Variants in INO80 observed in about 807,000 individuals in gnomAD.
INO80 encodes the protein INO80 complex ATPase subunit.
A neutral mutation model predicts 203.4 loss-of-function variants in INO80; 20 were observed. That is an observed-to-expected ratio of 0.10 (90% CI 0.07 to 0.14). The LOEUF is 0.14. Ranked by LOEUF, INO80 falls within the 10% of genes least tolerant of loss-of-function variation. The pLI, the probability that INO80 is intolerant of heterozygous loss-of-function variation, is 1.00. For missense variants in INO80, 1,419 were observed against 1,914.4 expected (o/e 0.74, Z 4.83); for synonymous variants, 726 against 685.2 (o/e 1.06, Z -0.93).
intron 29 of INO80, among the ~76,000 whole-genome samples, chr15:40,996,446 C>T (rs923467897): frequency 3.9e-5 from 6 of 152,184 alleles, no homozygotes; most frequent in Non-Finnish European, 5.9e-5. Context: ...CCTCACCTCC[C>T]GAGTAGCTGG....
At chr15:41,088,347 G>A (rs181251534) in intron 5 of INO80, among the ~76,000 whole-genome samples, 65 of 151,888 alleles carry the variant, frequency 4.3e-4, no homozygotes, top group Non-Finnish European at 7.7e-4. Flanking sequence ...CTCAGTGTCA[G>A]CCCACCTCAG....
chr15:41,091,022 T>A (rs1015662617), intron 5 of INO80, among the ~76,000 whole-genome samples: 2 of 151,576 alleles, frequency 1.3e-5, no homozygotes, highest in Admixed American at 6.6e-5. Context: ...CCTCCCGGGT[T>A]CAAGCGATTC....
chr15:41,103,905 G>A (rs985010031), intron 1 of INO80, among the ~76,000 whole-genome samples: 7 of 151,816 alleles, frequency 4.6e-5, no homozygotes, highest in South Asian at 2.1e-4. Context: ...CTCACTTCGC[G>A]CAAAGAGGCT....
At chr15:40,986,316 C>CTTTTTTTTTTTTTTTTTTTTTTT (rs551165963) in intron 31 of INO80, among the ~76,000 whole-genome samples, 1 of 90,674 alleles carries the variant, frequency 1.1e-5, no homozygotes, top group African/African-American at 3.4e-5. Context: ...CTCCACAATG[C>CTTTTTTTTTTTTTTTTTTTTTTT]TTTTTTTTTT....
intron 27 of INO80, among the ~76,000 whole-genome samples, chr15:41,015,337 A>G (rs372421429): frequency 3.9e-5 from 6 of 152,220 alleles, no homozygotes; most frequent in Non-Finnish European, 8.8e-5. Flanking sequence ...CTAGAAATCC[A>G]TATTTTTTTA....
At chr15:41,033,797 A>C in intron 24 of INO80, among the ~76,000 whole-genome samples, 1 of 152,204 alleles carries the variant, frequency 6.6e-6, no homozygotes, top group East Asian at 1.9e-4. Flanking sequence ...CACGCCTGTA[A>C]TCCCAGTACT....
intron 5 of INO80, among the ~76,000 whole-genome samples, chr15:41,091,170 C>T (rs542359794): frequency 3.2e-4 from 49 of 152,232 alleles, no homozygotes; most frequent in Middle Eastern, 6.8e-3. Context: ...GTGATTCACC[C>T]GCCTGGGCCT....
intron 29 of INO80, among the ~76,000 whole-genome samples, 177 bp from the exon 30 acceptor site, chr15:40,988,151 T>C (rs1220548244): frequency 6.6e-6 from 1 of 152,228 alleles, no homozygotes; most frequent in Non-Finnish European, 1.5e-5. Context: ...TCACATGCCC[T>C]GAGCAAAAGA....
Position 41,058,740 on chromosome 15 carries a change from A to G in INO80, c.1884T>C (p.Ile628=). 1.2e-6 allele frequency: 2 copies of G among 1,613,732 alleles called. No homozygotes were observed. Among genetic ancestry groups the G allele is most frequent in the Non-Finnish European group, 1.7e-6 (2 of 1,179,646 alleles). Residue 628 remains isoleucine (I), a synonymous_variant, in exon 16 of 36, where the codon ATT becomes ATC. Transcript: ENST00000648947. ...CCTGCACCACCAGCTGATAGCTGGTAATAACCACATGGAAGGGGGCATCCT... is the reference window on the plus strand; with the variant it reads ...CCTGCACCACCAGCTGATAGCTGGTGATAACCACATGGAAGGGGGCATCCT... ...YTQDAPFHVV[I]TSYQLVVQDV...
chr15:41,079,617 G>T, intron 9 of INO80, 84 bp downstream of exon 9: 18 of 1,095,344 alleles, frequency 1.6e-5, no homozygotes, highest in Non-Finnish European at 2.1e-5. Flanking sequence ...TCATTGGTTA[G>T]ATGTACAATT....
At chr15:41,009,110 G>T (rs2044094856) in intron 27 of INO80, among the ~76,000 whole-genome samples, 1 of 152,206 alleles carries the variant, frequency 6.6e-6, no homozygotes, top group Non-Finnish European at 1.5e-5. Flanking sequence ...GGGATTGCAG[G>T]CATCAGCCAC....
intron 27 of INO80, among the ~76,000 whole-genome samples, chr15:41,005,959 TAAAA>T (rs55706828): frequency 3.0e-5 from 4 of 131,424 alleles, no homozygotes; most frequent in African/African-American, 8.6e-5. Context: ...TAGGTTTCAT[TAAAA>T]AAAAAAAAAA....
chr15:40,984,006 T>A, intron 33 of INO80, 85 bp from the exon 34 acceptor site: 1 of 1,504,546 alleles, frequency 6.6e-7, no homozygotes, highest in Non-Finnish European at 9.1e-7. Flanking sequence ...TGCTTCACAG[T>A]TGAGGCTGCT....
intron 33 of INO80, 112 bp from the exon 34 acceptor site, chr15:40,984,033 C>T (rs1433145367): frequency 1.4e-6 from 2 of 1,391,212 alleles, no homozygotes; most frequent in African/African-American, 2.9e-5. Context: ...TCTGAGAAAC[C>T]AACCTGTCCT....
intron 4 of INO80, 76 bp downstream of exon 4, chr15:41,095,525 T>G: frequency 7.9e-5 from 81 of 1,023,552 alleles, no homozygotes; most frequent in Middle Eastern, 6.4e-4. Context: ...TCTGCCAAAA[T>G]GAGTTGATAA....
intron 5 of INO80, 123 bp from the exon 6 acceptor site, chr15:41,087,805 A>G (rs1159872936): frequency 3.2e-6 from 3 of 947,656 alleles, no homozygotes; most frequent in Non-Finnish European, 4.5e-6. Flanking sequence ...TCCCACAAAG[A>G]GATCAGTAAC....
chr15:41,011,248 G>A (rs1279905349), intron 27 of INO80, among the ~76,000 whole-genome samples: 2 of 152,116 alleles, frequency 1.3e-5, no homozygotes, highest in Non-Finnish European at 2.9e-5. Flanking sequence ...TCTTTGTGAT[G>A]CTTTCCTCAA....
intron 19 of INO80, among the ~76,000 whole-genome samples, chr15:41,052,721 G>A (rs2044900045): frequency 6.6e-6 from 1 of 150,626 alleles, no homozygotes; most frequent in South Asian, 2.1e-4. Context: ...AAAACGGAGG[G>A]AGAGATTAAA....
chr15:41,015,332 A>T (rs1169621548), intron 27 of INO80, among the ~76,000 whole-genome samples: 1 of 152,192 alleles, frequency 6.6e-6, no homozygotes, highest in Non-Finnish European at 1.5e-5. Context: ...TAGGACTAGA[A>T]ATCCATATTT....
Sources: gnomAD v4.1 joint callset for allele counts (sites outside exome capture counted in the v4.1 genomes callset) on GRCh38, gnomAD v4.1.1 for gene constraint, MANE v1.5 for transcripts, NCBI Gene and HGNC (gene_info 2026-07-23, HGNC 2026-07-21) for gene names.